The following CECR2 variants were observed in gnomAD, a reference collection of about 807,000 sequenced individuals.
CECR2 encodes CECR2 histone acetyl-lysine reader.
In CECR2, 30 loss-of-function variants were observed where a neutral mutation model predicts 154.5. The observed-to-expected ratio is 0.19, with a 90% CI of 0.15 to 0.26. The LOEUF (loss-of-function observed/expected upper bound fraction) is 0.26. CECR2 is among the 10% of genes least tolerant of loss of function. The pLI, the probability that CECR2 is intolerant of heterozygous loss-of-function variation, is 1.00. For synonymous variants in CECR2, 725 were observed against 683.7 expected (o/e 1.06, Z -0.94); for missense variants, 1,743 against 1,829.3 (o/e 0.95, Z 0.86).
At chr22:17,448,502 A>G (rs984110380) in intron 1 of CECR2, among the ~76,000 whole-genome samples, 2 of 152,118 alleles carry the variant, frequency 1.3e-5, no homozygotes, top group African/African-American at 2.4e-5. Flanking sequence ...ATGAATTCCC[A>G]TTTTTGCATT....
At chr22:17,520,453 A>C (rs1246695070) in intron 8 of CECR2, among the ~76,000 whole-genome samples, 1 of 151,904 alleles carries the variant, frequency 6.6e-6, no homozygotes, top group Non-Finnish European at 1.5e-5. Flanking sequence ...TAAGTTCTAG[A>C]GTACATGTGC....
rs1457864941 is a variant in CECR2, at chr22:17,411,643, C to T, written c.126+41734C>T. ...TCTGGTAAAATCCAGACCCTTGGCA[C>T]CTTGGTCCTTGTTTTTGTTTTTTAT... On this transcript the variant is annotated intron_variant, in intron 1 of 18. Transcript: ENST00000262608. Among the ~76,000 whole-genome samples the T allele has an allele frequency of 2.0e-5, 3 of 152,264 alleles. 1 individual carries two copies. In the South Asian group the frequency reaches 6.2e-4, roughly 32 times the overall value.
chr22:17,521,541 G>A (rs1295184439), intron 8 of CECR2, among the ~76,000 whole-genome samples: 1 of 149,748 alleles, frequency 6.7e-6, no homozygotes, highest in Non-Finnish European at 1.5e-5. Context: ...AAAAAAAAGA[G>A]AGAGAGAGAG....
At chr22:17,545,988 G>T (rs1045963056) in intron 16 of CECR2, among the ~76,000 whole-genome samples, 9 of 151,984 alleles carry the variant, frequency 5.9e-5, no homozygotes, top group Non-Finnish European at 1.2e-4. Context: ...GGAGTTCGAG[G>T]TTTCAGTGAG....
At chr22:17,374,539 G>A (rs1349690406) in intron 1 of CECR2, among the ~76,000 whole-genome samples, 4 of 152,126 alleles carry the variant, frequency 2.6e-5, no homozygotes, top group Admixed American at 6.6e-5. Context: ...TCTGGAAGCA[G>A]CCCCCAACCC....
chr22:17,391,809 CT>C (rs1300651651), intron 1 of CECR2, among the ~76,000 whole-genome samples: 1 of 152,136 alleles, frequency 6.6e-6, no homozygotes, highest in Non-Finnish European at 1.5e-5. Flanking sequence ...AATACAGATG[CT>C]TTTGTTTGTT....
At chr22:17,461,744 A>G (rs2054940872) in intron 1 of CECR2, among the ~76,000 whole-genome samples, 1 of 151,546 alleles carries the variant, frequency 6.6e-6, no homozygotes, top group African/African-American at 2.4e-5. Context: ...AACCATGCCT[A>G]TGACAACAGA....
At chr22:17,537,364 C>T (rs1228768068) in intron 10 of CECR2, 132 bp downstream of exon 10, 24 of 1,070,864 alleles carry the variant, frequency 2.2e-5, no homozygotes, top group East Asian at 4.8e-5. Context: ...GTGAACAGGG[C>T]GGGCCCTGCA....
At position 17,420,677 on chromosome 22, in the gene CECR2, GAAAAA is replaced by G. The variant is rs376376410; in HGVS notation, c.126+50773_126+50777del. 1.8e-4 allele frequency among the ~76,000 whole-genome samples: 27 copies of G among 149,606 alleles called. No homozygotes were observed. In the East Asian group the frequency reaches 5.3e-3, roughly 29 times the overall value. Reference sequence around the variant, plus strand: ...TGAAAATAAATATAACTTTGTATTTGAAAAAAAAATGAGGTTGTGTTATGGCATGA... The same window carrying G: ...TGAAAATAAATATAACTTTGTATTTGAAAATGAGGTTGTGTTATGGCATGA... On this transcript the variant is annotated intron_variant, in intron 1 of 18. Transcript: ENST00000262608.
rs1201361548 is a variant in CECR2 at position 17,409,434 on chromosome 22, T to C, written c.126+39525T>C. Among the ~76,000 whole-genome samples, 2 of 112,204 alleles carry C rather than the reference T, an allele frequency of 1.8e-5. 1 individual carries two copies. The highest frequency in any genetic ancestry group is 4.3e-5 in the Non-Finnish European group (2 of 46,872). 73.6% of individuals were successfully genotyped at this position (112,204 alleles called of 152,430 possible). ...TTTTAGTAGAGATGGGGTTTCACCA[T>C]GTTGGCCAGGATGGTCTCAATCTCT... On this transcript the variant is annotated intron_variant, in intron 1 of 18. Coordinates refer to ENST00000262608, the MANE Select transcript of CECR2 (RefSeq NM_001290047.2).
At chr22:17,517,067 C>T (rs919945130) in intron 8 of CECR2, among the ~76,000 whole-genome samples, 23 of 151,326 alleles carry the variant, frequency 1.5e-4, no homozygotes, top group Middle Eastern at 3.4e-3. Flanking sequence ...TTAGTGGAGT[C>T]GGGGTTTCAC....
At chr22:17,509,368 C>T (rs996886186) in intron 7 of CECR2, among the ~76,000 whole-genome samples, 1 of 152,010 alleles carries the variant, frequency 6.6e-6, no homozygotes, top group Admixed American at 6.6e-5. Context: ...TATGACACTC[C>T]CCTGTCCTGT....
At chr22:17,409,217 C>T (rs1354544086) in intron 1 of CECR2, among the ~76,000 whole-genome samples, 1 of 144,106 alleles carries the variant, frequency 6.9e-6, no homozygotes, top group African/African-American at 2.5e-5. Context: ...ACTGCAACCT[C>T]CACCTCGCGG....
At chr22:17,375,098 A>G (rs1482260982) in intron 1 of CECR2, among the ~76,000 whole-genome samples, 1 of 148,840 alleles carries the variant, frequency 6.7e-6, no homozygotes, top group Non-Finnish European at 1.5e-5. Context: ...TCAAGTATTC[A>G]TTCATTTATT....
intron 7 of CECR2, among the ~76,000 whole-genome samples, chr22:17,510,891 C>A (rs1040076060): frequency 3.3e-5 from 5 of 152,158 alleles, no homozygotes; most frequent in Non-Finnish European, 5.9e-5. Context: ...AGGCGTGAGC[C>A]ACCCCACCCA....
At position 17,496,167 on chromosome 22, in the gene CECR2, A is replaced by C. The variant is rs542953686; in HGVS notation, c.222-1236A>C. Among the ~76,000 whole-genome samples the C allele has an allele frequency of 3.9e-5, 6 of 152,262 alleles. No individual in the cohort carries two copies. The East Asian group carries it at 1.2e-3, about 29-fold the overall frequency. ...GATTGCTTGAGCCCTGGAGTTCAAG[A>C]CCAGCCTGGGCAACATGCTGAGACC... is the stretch of plus-strand genomic sequence containing the variant. On this transcript the variant is annotated intron_variant, in intron 2 of 18. Transcript: ENST00000262608.
chr22:17,392,692 A>T (rs2063338197), intron 1 of CECR2, among the ~76,000 whole-genome samples: 1 of 151,932 alleles, frequency 6.6e-6, no homozygotes, highest in Non-Finnish European at 1.5e-5. Context: ...AAAGAAAAAA[A>T]AAAACAGCTT....
intron 2 of CECR2, among the ~76,000 whole-genome samples, chr22:17,492,931 T>C (rs1295137378): frequency 3.3e-5 from 5 of 152,188 alleles, no homozygotes; most frequent in Non-Finnish European, 7.3e-5. Context: ...AGCAGCACAG[T>C]GCCACTGTTC....
chr22:17,402,079 A>G (rs2053902280), intron 1 of CECR2, among the ~76,000 whole-genome samples: 1 of 151,976 alleles, frequency 6.6e-6, no homozygotes, highest in Non-Finnish European at 1.5e-5. Context: ...CGCCTCCCAG[A>G]TTCAAGTGAT....
Sources: gnomAD v4.1 joint callset for allele counts (sites outside exome capture counted in the v4.1 genomes callset) on GRCh38, gnomAD v4.1.1 for gene constraint, MANE v1.5 for transcripts, NCBI Gene and HGNC (gene_info 2026-07-23, HGNC 2026-07-21) for gene names.